Variants in ANO6 observed in about 807,000 individuals in gnomAD.
ANO6 encodes the protein anoctamin-6.
Under a neutral mutation model 117.5 loss-of-function variants are expected in ANO6, and 106 were observed. The ratio of observed to expected loss-of-function variants is 0.90; its 90% CI spans 0.77 to 1.06. The LOEUF (loss-of-function observed/expected upper bound fraction) is 1.06, where lower values mean the gene tolerates loss of function less well. ANO6 is among the 50% of genes least tolerant of loss of function. The pLI is 0.00. For missense variants in ANO6, 955 were observed against 1,121.1 expected (o/e 0.85, Z 2.12); for synonymous variants, 367 against 385.1 (o/e 0.95, Z 0.55).
intron 1 of ANO6, among the ~76,000 whole-genome samples, chr12:45,256,169 A>G (rs1937820457): frequency 6.6e-6 from 1 of 152,042 alleles, no homozygotes; most frequent in South Asian, 2.1e-4. Flanking sequence ...TATGATCAGG[A>G]TGCTATAACA....
At chr12:45,232,701 C>T (rs1007446777) in intron 1 of ANO6, among the ~76,000 whole-genome samples, 2 of 152,182 alleles carry the variant, frequency 1.3e-5, no homozygotes, top group Admixed American at 1.3e-4. Flanking sequence ...ATGATTTCTA[C>T]AGCTGTTAAT....
chr12:45,260,849 G>A (rs565690742), intron 1 of ANO6, among the ~76,000 whole-genome samples: 9 of 152,030 alleles, frequency 5.9e-5, no homozygotes, highest in East Asian at 3.9e-4. Flanking sequence ...GTGCAGTGGC[G>A]CCATCTTGGC....
At chr12:45,385,127 T>C (rs57779395) in intron 10 of ANO6, among the ~76,000 whole-genome samples, 2,740 of 152,300 alleles carry the variant, frequency 0.018, 76 homozygotes, top group African/African-American at 0.062. Flanking sequence ...GTCGTAGTGC[T>C]TCTGCTATGA....
At chr12:45,298,996 A>C (rs1939391317) in intron 1 of ANO6, among the ~76,000 whole-genome samples, 1 of 151,992 alleles carries the variant, frequency 6.6e-6, no homozygotes, top group African/African-American at 2.4e-5. Flanking sequence ...AAAAAAAAAC[A>C]AAAACCCCAC....
intron 1 of ANO6, among the ~76,000 whole-genome samples, chr12:45,243,516 G>GT: frequency 6.6e-6 from 1 of 151,574 alleles, no homozygotes; most frequent in Non-Finnish European, 1.5e-5. Flanking sequence ...GAATTTACCT[G>GT]TTTGTCTTCT....
At chr12:45,350,063 T>C (rs563650338) in intron 6 of ANO6, among the ~76,000 whole-genome samples, 5 of 152,288 alleles carry the variant, frequency 3.3e-5, no homozygotes, top group African/African-American at 1.2e-4. Flanking sequence ...AATCTGGTTC[T>C]AGTGCCAGAA....
chr12:45,238,534 T>C (rs912131284), intron 1 of ANO6, among the ~76,000 whole-genome samples: 2 of 152,040 alleles, frequency 1.3e-5, no homozygotes, highest in Non-Finnish European at 2.9e-5. Flanking sequence ...TTAATACTCT[T>C]TATTCCTTTC....
intron 16 of ANO6, among the ~76,000 whole-genome samples, chr12:45,415,005 G>A (rs1401418714): frequency 1.3e-5 from 2 of 152,052 alleles, no homozygotes; most frequent in Admixed American, 6.6e-5. Flanking sequence ...TAATCCTCCC[G>A]CCTCAGCCTC....
At position 45,341,103 on chromosome 12, in the gene ANO6, T is replaced by C. The variant is rs530553371; in HGVS notation, c.280-5919T>C. On this transcript the variant is annotated intron_variant, in intron 3 of 19. Transcript: ENST00000320560. ...TTGATACAACTGTTTTAAGTATTTA[T>C]AGTTGGTGGTAAAATGGAGGGCATT... Among the ~76,000 whole-genome samples, 35 of 152,346 alleles carry C rather than the reference T, an allele frequency of 2.3e-4. No individual in the cohort carries two copies. In the South Asian group the frequency reaches 7.2e-3, roughly 32 times the overall value.
intron 9 of ANO6, among the ~76,000 whole-genome samples, chr12:45,371,279 A>G (rs1270606060): frequency 1.3e-5 from 2 of 152,056 alleles, no homozygotes; most frequent in Admixed American, 6.6e-5. Context: ...CAGCGAGGCT[A>G]GGGGAGGGGC....
intron 1 of ANO6, among the ~76,000 whole-genome samples, chr12:45,274,690 G>C (rs187948433): frequency 7.8e-4 from 118 of 151,412 alleles, no homozygotes; most frequent in African/African-American, 2.7e-3. Flanking sequence ...GTACTGTAAG[G>C]CCTCTGCTAC....
At chr12:45,219,913 T>C (rs973505959) in intron 1 of ANO6, among the ~76,000 whole-genome samples, 1 of 152,198 alleles carries the variant, frequency 6.6e-6, no homozygotes, top group South Asian at 2.1e-4. Context: ...GAAGCCCCTG[T>C]TGTGCTGGTG....
At chr12:45,229,374 G>GT (rs1565632713) in intron 1 of ANO6, among the ~76,000 whole-genome samples, 1 of 132,568 alleles carries the variant, frequency 7.5e-6, no homozygotes, top group South Asian at 2.4e-4. Flanking sequence ...AATCTCCTCA[G>GT]TTTTTTTTAT....
intron 1 of ANO6, among the ~76,000 whole-genome samples, chr12:45,245,570 C>T (rs773321181): frequency 1.3e-4 from 20 of 151,562 alleles, no homozygotes; most frequent in South Asian, 4.2e-4. Context: ...CATCTATGTC[C>T]GGTAGAAAGC....
chr12:45,220,968 C>T (rs1247577358), intron 1 of ANO6, among the ~76,000 whole-genome samples: 2 of 152,136 alleles, frequency 1.3e-5, no homozygotes, highest in East Asian at 3.9e-4. Flanking sequence ...ATTAATGGAA[C>T]CCAAAGAGGG....
rs576113139 is a variant in ANO6, at chr12:45,419,352, G to T, written c.2218-1719G>T. ...TTTTTGTAGCTTCTGATGCACATCT[G>T]CCAGTGATTCTATAAAAAGATATAG... is the stretch of plus-strand genomic sequence containing the variant. On this transcript the variant is annotated intron_variant, in intron 17 of 19. Transcript: ENST00000320560. Among the ~76,000 whole-genome samples, 8 of 152,264 alleles carry T rather than the reference G, an allele frequency of 5.3e-5. No individual in the cohort carries two copies. In the South Asian group the frequency reaches 1.7e-3, roughly 32 times the overall value.
intron 1 of ANO6, among the ~76,000 whole-genome samples, chr12:45,287,399 A>G (rs1938952231): frequency 6.6e-6 from 1 of 152,202 alleles, no homozygotes; most frequent in South Asian, 2.1e-4. Flanking sequence ...AGTGATATGA[A>G]GGTAACTGTT....
chr12:45,222,680 A>G (rs778368928), intron 1 of ANO6, among the ~76,000 whole-genome samples: 4 of 152,154 alleles, frequency 2.6e-5, no homozygotes, highest in Non-Finnish European at 5.9e-5. Flanking sequence ...CTCCAATTTT[A>G]GAAACTAAAA....
At chr12:45,317,366 G>A (rs1940083654) in intron 2 of ANO6, among the ~76,000 whole-genome samples, 1 of 140,926 alleles carries the variant, frequency 7.1e-6, no homozygotes, top group Non-Finnish European at 1.5e-5. Flanking sequence ...GTGAGAACAT[G>A]AAGTGTTTGG....
Sources: allele counts gnomAD v4.1 joint callset (sites outside exome capture counted in the v4.1 genomes callset), GRCh38; gene constraint gnomAD v4.1.1; transcripts MANE v1.5; gene names NCBI Gene and HGNC (gene_info 2026-07-23, HGNC 2026-07-21).